The following GPBP1L1 variants were observed in gnomAD, a reference collection of about 807,000 sequenced individuals.
The protein encoded by GPBP1L1 is vasculin-like protein 1.
In GPBP1L1, 23 loss-of-function variants were observed where a neutral mutation model predicts 52.5. That is an observed-to-expected ratio of 0.44 (90% CI 0.32 to 0.62). The LOEUF is 0.62. Among genes scored for constraint, GPBP1L1 ranks in the 20% least tolerant of loss-of-function variants. The pLI, the probability that GPBP1L1 is intolerant of heterozygous loss-of-function variation, is 0.06. For synonymous variants in GPBP1L1, 243 were observed against 203.1 expected (o/e 1.20, Z -1.67); for missense variants, 596 against 579.3 (o/e 1.03, Z -0.30).
chr1:45,653,981 G>C (rs1644852621), intron 6 of GPBP1L1, among the ~76,000 whole-genome samples: 1 of 151,788 alleles, frequency 6.6e-6, no homozygotes, highest in African/African-American at 2.4e-5. Flanking sequence ...TTACAAGCAT[G>C]AGCCACCGAG....
upstream of GPBP1L1, chr1:45,687,129 TGCGCGGCTGCGTCG>T (rs1158921740): frequency 6.6e-6 from 1 of 152,238 alleles, no homozygotes; most frequent in East Asian, 1.9e-4. Context: ...CCCCGGAGGC[TGCGCGGCTGCGTCG>T]GCCGCGCTAC....
At chr1:45,642,684 G>A (rs1412883586) in intron 6 of GPBP1L1, among the ~76,000 whole-genome samples, 185 bp from the exon 7 acceptor site, 1 of 152,074 alleles carries the variant, frequency 6.6e-6, no homozygotes, top group Non-Finnish European at 1.5e-5. Context: ...AAATCAATAG[G>A]TATTATGTTA....
In GPBP1L1 at chr1:45,640,422, G is replaced by A. The variant is rs759426577; in HGVS notation, c.551-19C>T. The A allele has an allele frequency of 5.0e-6, 8 of 1,598,468 alleles. No individual in the cohort carries two copies. The Admixed American group carries it at 1.3e-4, about 27-fold the overall frequency. On this transcript the variant is annotated intron_variant, in intron 7 of 12. Transcript: ENST00000355105. Reference sequence around the variant, plus strand: ...GGGTTTTCTGTGAAGTACAAGAGTGGAGAGACAACAGAATGTCAAACCTGT... The same window carrying A: ...GGGTTTTCTGTGAAGTACAAGAGTGAAGAGACAACAGAATGTCAAACCTGT...
In GPBP1L1 at chr1:45,638,925, G is replaced by A. The variant is rs114517204; in HGVS notation, c.744+1285C>T. On this transcript the variant is annotated intron_variant, in intron 8 of 12. Coordinates refer to ENST00000355105, the MANE Select transcript of GPBP1L1 (RefSeq NM_021639.5). ...GAGTTTGGCTATGAGAAACTTCACAGACCTCTGCTTACTCTGCACACTGAC... is the reference window on the plus strand; with the variant it reads ...GAGTTTGGCTATGAGAAACTTCACAAACCTCTGCTTACTCTGCACACTGAC... Among the ~76,000 whole-genome samples the A allele has an allele frequency of 6.8e-3, 1,041 of 152,256 alleles. 12 individuals carry two copies. Among genetic ancestry groups the A allele is most frequent in the African/African-American group, 0.024 (1,002 of 41,520 alleles).
intron 12 of GPBP1L1, among the ~76,000 whole-genome samples, chr1:45,628,836 G>T (rs1644492016): frequency 2.0e-5 from 3 of 152,206 alleles, no homozygotes; most frequent in South Asian, 4.1e-4. Flanking sequence ...GTTAATTTTT[G>T]TATTTTTAGT....
intron 4 of GPBP1L1, among the ~76,000 whole-genome samples, chr1:45,658,281 C>T (rs1453710907): frequency 2.6e-5 from 4 of 152,144 alleles, no homozygotes; most frequent in Admixed American, 2.6e-4. Context: ...CTTCATCTAT[C>T]GCCATAAACA....
intron 2 of GPBP1L1, among the ~76,000 whole-genome samples, chr1:45,673,837 C>A (rs1298665389): frequency 6.6e-6 from 1 of 152,114 alleles, no homozygotes; most frequent in Non-Finnish European, 1.5e-5. Context: ...CCAGGCCAGG[C>A]AACAGAGCAA....
intron 8 of GPBP1L1, among the ~76,000 whole-genome samples, chr1:45,638,876 C>T (rs116653631): frequency 0.013 from 1,963 of 152,204 alleles, 21 homozygotes; most frequent in Non-Finnish European, 0.021. Context: ...AAAAAAGGGG[C>T]AATAAGATGC....
At chr1:45,684,033 G>A (rs1048629798) in intron 2 of GPBP1L1, among the ~76,000 whole-genome samples, 1 of 151,818 alleles carries the variant, frequency 6.6e-6, no homozygotes, top group African/African-American at 2.4e-5. Context: ...CAAGGCAGGC[G>A]GATCACCTGA....
chr1:45,686,180 C>T (rs533152706), intron 1 of GPBP1L1, among the ~76,000 whole-genome samples: 1 of 152,372 alleles, frequency 6.6e-6, no homozygotes, highest in South Asian at 2.1e-4. Context: ...CGCGGAGCCC[C>T]GGCGACGCTC....
At chr1:45,636,519 T>TA (rs924022144) in intron 8 of GPBP1L1, among the ~76,000 whole-genome samples, 3 of 152,198 alleles carry the variant, frequency 2.0e-5, no homozygotes, top group African/African-American at 7.2e-5. Context: ...ATACCAGCCA[T>TA]ACCGAACCAA....
chr1:45,644,344 T>C (rs1644713224), intron 6 of GPBP1L1, among the ~76,000 whole-genome samples: 1 of 152,228 alleles, frequency 6.6e-6, no homozygotes, highest in Non-Finnish European at 1.5e-5. Flanking sequence ...TACAGTATCT[T>C]TGATCTCTTT....
chr1:45,632,682 C>T (rs1288533516), intron 10 of GPBP1L1, among the ~76,000 whole-genome samples: 1 of 152,206 alleles, frequency 6.6e-6, no homozygotes, highest in Non-Finnish European at 1.5e-5. Context: ...TGCCACTGCA[C>T]TCCAGTCTGG....
In GPBP1L1 at chr1:45,628,352, C is replaced by A. The variant is rs1177306590; in HGVS notation, c.1329G>T (p.Leu443=). 6.2e-7 allele frequency: 1 copy of A among 1,614,056 alleles called. No homozygotes were observed. Among genetic ancestry groups the A allele is most frequent in the Admixed American group, 1.7e-5 (1 of 60,010 alleles). The change falls in exon 13 of 13, where the codon CTG becomes CTT. Residue 443 remains leucine, a synonymous_variant. Transcript: ENST00000355105. ...NGFLQSRSSS[L]FSPWRSTCKA... is the part of the protein sequence containing the mutation. ...TGCAAGTGCTTCTCCAAGGGGAGAACAGACTGGAACTGCGGCTCTGCAAGA... is the reference window on the plus strand; with the variant it reads ...TGCAAGTGCTTCTCCAAGGGGAGAAAAGACTGGAACTGCGGCTCTGCAAGA...
At chr1:45,633,451 A>C in intron 10 of GPBP1L1, 38 bp downstream of exon 10, 1 of 1,604,060 alleles carries the variant, frequency 6.2e-7, no homozygotes, top group Non-Finnish European at 8.5e-7. Context: ...TCAAAGGAAA[A>C]TTCCTAGGCT....
rs1644565247 is a variant in GPBP1L1, at chr1:45,634,129, C to T, written c.852G>A (p.Leu284=). Residue 284 remains leucine, a synonymous_variant, in exon 9 of 13, where the codon CTG becomes CTA. Coordinates refer to ENST00000355105, the MANE Select transcript of GPBP1L1 (RefSeq NM_021639.5). ...SPISVTKPVV[L]ASGAALSSPK... ...GAGAACTCAGAGCTGCACCACTAGC[C>T]AGTACCACTGGTTTGGTAACAGAGA... 2 of 1,613,956 alleles carry T rather than the reference C, an allele frequency of 1.2e-6. No individual in the cohort carries two copies. Among genetic ancestry groups the T allele is most frequent in the East Asian group, 4.5e-5 (2 of 44,884 alleles).
rs1043404464 is a variant in GPBP1L1 at position 45,672,618 on chromosome 1, C to T, written c.-1097-11393G>A. Reference sequence around the variant, plus strand: ...CTGGATAAGAGTCTGCAGTTCATGACAGAAATACAGACTGTAGACCAATTT... The same window carrying T: ...CTGGATAAGAGTCTGCAGTTCATGATAGAAATACAGACTGTAGACCAATTT... On this transcript the variant is annotated intron_variant, in intron 2 of 12. Transcript: ENST00000355105. Among the ~76,000 whole-genome samples, 13 of 152,196 alleles carry T rather than the reference C, an allele frequency of 8.5e-5. No individual in the cohort carries two copies. In the East Asian group the frequency reaches 1.7e-3, roughly 20 times the overall value.
intron 3 of GPBP1L1, among the ~76,000 whole-genome samples, chr1:45,659,602 G>A (rs1644923845): frequency 6.6e-6 from 1 of 152,140 alleles, no homozygotes; most frequent in Non-Finnish European, 1.5e-5. Flanking sequence ...TATGAAAAGA[G>A]ATTAATCTGC....
intron 7 of GPBP1L1, among the ~76,000 whole-genome samples, chr1:45,640,878 C>T (rs1256473383): frequency 6.6e-6 from 1 of 152,032 alleles, no homozygotes; most frequent in Non-Finnish European, 1.5e-5. Flanking sequence ...ATTAGCCAGG[C>T]ATGGTGGTGC....
Sources: allele counts gnomAD v4.1 joint callset (sites outside exome capture counted in the v4.1 genomes callset), GRCh38; gene constraint gnomAD v4.1.1; transcripts MANE v1.5; gene names NCBI Gene and HGNC (gene_info 2026-07-23, HGNC 2026-07-21).